Variants in USF2 observed in about 807,000 individuals in gnomAD.
The protein encoded by USF2 is upstream transcription factor 2, c-fos interacting.
USF2 carries 16 observed loss-of-function variants against 46.9 expected under a neutral mutation model. The observed-to-expected ratio is 0.34, with a 90% CI of 0.23 to 0.52. The LOEUF (loss-of-function observed/expected upper bound fraction) is 0.52, where lower values mean the gene tolerates loss of function less well. Ranked by LOEUF, USF2 falls within the 20% of genes least tolerant of loss-of-function variation. USF2 has a pLI of 0.96. For missense variants in USF2, 411 were observed against 474.0 expected (o/e 0.87, Z 1.23); for synonymous variants, 239 against 194.1 (o/e 1.23, Z -1.92).
At chr19:35,270,362 G>T in intron 4 of USF2, 85 bp from the exon 5 acceptor site, 1 of 1,537,844 alleles carries the variant, frequency 6.5e-7, no homozygotes, top group Non-Finnish European at 8.8e-7. Context: ...TGCAGAGAAT[G>T]CAGTAAACCC....
intron 7 of USF2, among the ~76,000 whole-genome samples, chr19:35,271,774 T>C (rs1202829498): frequency 6.6e-6 from 1 of 152,198 alleles, no homozygotes; most frequent in African/African-American, 2.4e-5. Context: ...TCAACAAATA[T>C]TTACTGCCCG....
rs1218862859 is a variant in USF2 at position 35,279,158 on chromosome 19, G to T, written c.952-9G>T. On this transcript the variant is annotated splice_polypyrimidine_tract_variant and intron_variant, in intron 9 of 9. Coordinates refer to ENST00000222305, the MANE Select transcript of USF2 (RefSeq NM_003367.4). Reference sequence around the variant, plus strand: ...CCTCAGCTCCCTTGACCTCCGTCGTGTCCGCCAGATCGAGGAGCTGAAGAA... The same window carrying T: ...CCTCAGCTCCCTTGACCTCCGTCGTTTCCGCCAGATCGAGGAGCTGAAGAA... The T allele has an allele frequency of 6.2e-7, 1 of 1,610,864 alleles. No individual in the cohort carries two copies. Among genetic ancestry groups the T allele is most frequent in the Non-Finnish European group, 8.5e-7 (1 of 1,178,740 alleles).
intron 7 of USF2, among the ~76,000 whole-genome samples, chr19:35,274,688 C>T (rs1468777807): frequency 6.6e-6 from 1 of 152,208 alleles, no homozygotes; most frequent in Non-Finnish European, 1.5e-5. Context: ...CTGTAACAGT[C>T]CCAGCTACTT....
chr19:35,269,761 C>T (rs1410652780), intron 3 of USF2, 42 bp from the exon 4 acceptor site: 1 of 1,491,636 alleles, frequency 6.7e-7, no homozygotes, highest in Non-Finnish European at 8.9e-7. Flanking sequence ...AGGCTCGGAC[C>T]TGGCCCCAGC....
chr19:35,273,670 A>C (rs575685625), intron 7 of USF2, among the ~76,000 whole-genome samples: 1 of 152,078 alleles, frequency 6.6e-6, no homozygotes. Context: ...CGATCCTCAC[A>C]CCTCAGGCTT....
intron 6 of USF2, 30 bp downstream of exon 6, chr19:35,270,835 G>A (rs773767722): frequency 6.2e-7 from 1 of 1,613,266 alleles, no homozygotes; most frequent in Non-Finnish European, 8.5e-7. Flanking sequence ...GGAGGGCCTG[G>A]TGTTGAAATG....
chr19:35,272,585 A>G (rs768756441), intron 7 of USF2, among the ~76,000 whole-genome samples: 2 of 152,048 alleles, frequency 1.3e-5, no homozygotes, highest in Non-Finnish European at 2.9e-5. Flanking sequence ...AGGACCTTGG[A>G]AGAAGTCCCC....
chr19:35,279,105 C>G, intron 9 of USF2, 31 bp downstream of exon 9: 1 of 1,613,046 alleles, frequency 6.2e-7, no homozygotes. Context: ...GGGTCAGGGC[C>G]CAGGAGCCCC....
Position 35,278,795 on chromosome 19 carries a change from G to T in USF2, c.822+3G>T. 6.2e-7 allele frequency: 1 copy of T among 1,613,954 alleles called. No individual in the cohort carries two copies. Among genetic ancestry groups the T allele is most frequent in the South Asian group, 1.1e-5 (1 of 91,070 alleles). On this transcript the variant is annotated splice_donor_region_variant and intron_variant, in intron 8 of 9. Coordinates refer to ENST00000222305, the MANE Select transcript of USF2 (RefSeq NM_003367.4). Reference sequence around the variant, plus strand: ...CAGACAACAGCAAGACGGGAGCGGTGAGCACCCCGGACCCTCAGTGTCTGC... The same window carrying T: ...CAGACAACAGCAAGACGGGAGCGGTTAGCACCCCGGACCCTCAGTGTCTGC...
At chr19:35,276,106 C>T (rs571327462) in intron 7 of USF2, among the ~76,000 whole-genome samples, 10 of 136,316 alleles carry the variant, frequency 7.3e-5, no homozygotes, top group South Asian at 6.9e-4. Context: ...GAGTCTCGCT[C>T]TGTCACCCAA....
Position 35,279,429 on chromosome 19 carries a change from G to A in USF2, c.*173G>A, listed in dbSNP as rs925603415. On this transcript the variant is annotated 3_prime_UTR_variant, in exon 10 of 10. Transcript: ENST00000222305. The stretch of plus-strand genomic sequence containing the variant: ...CATTTCTGTGGATACAGTGCCCACC[G>A]CCCTCCTCCACTTGGAAACGGTATC... 35 of 683,100 alleles carry A rather than the reference G, an allele frequency of 5.1e-5. No homozygotes were observed. The highest frequency in any genetic ancestry group is 2.3e-4 in the African/African-American group (12 of 52,814). 42.3% of individuals were successfully genotyped at this position (683,100 alleles called of 1,614,324 possible). A position where few individuals can be genotyped will look rare whatever the true frequency, so the allele number is the denominator to read the frequency against.
rs927779764 is a variant in USF2 at position 35,269,956 on chromosome 19, C to T, written c.382C>T (p.Pro128Ser). 1.5e-6 allele frequency: 2 copies of T among 1,341,154 alleles called. No homozygotes were observed. The highest frequency in any genetic ancestry group is 3.1e-5 in the African/African-American group (2 of 64,878). 83.1% of individuals were successfully genotyped at this position (1,341,154 alleles called of 1,614,324 possible). The part of the protein sequence containing the change: ...GVDGAAQRPG[P>S]AAASVPPGPA... ...GGACGGGGCAGCCCAGCGCCCGGGCCCCGCCGCTGCCTCTGTGCCCCCAGG... is the reference window on the plus strand; with the variant it reads ...GGACGGGGCAGCCCAGCGCCCGGGCTCCGCCGCTGCCTCTGTGCCCCCAGG... Residue 128 changes from proline (P) to serine (S), a missense_variant, in exon 4 of 10, where the codon CCC (proline) becomes TCC (serine). Physicochemically the swap from Pro to Ser is moderately conservative, Grantham distance 74. Transcript: ENST00000222305.
chr19:35,271,009 C>T lies in USF2; in HGVS notation c.669-74C>T, dbSNP rs762670011. 8 of 1,579,898 alleles carry T rather than the reference C, an allele frequency of 5.1e-6. No individual in the cohort carries two copies. In the Admixed American group the frequency reaches 5.1e-5, roughly 10 times the overall value. ...TACCTTGCAAAGATAATTTTCAAATCTAATACTTAGCAGATGCTTGGGCAA... is the reference window on the plus strand; with the variant it reads ...TACCTTGCAAAGATAATTTTCAAATTTAATACTTAGCAGATGCTTGGGCAA... On this transcript the variant is annotated intron_variant, in intron 6 of 9. Transcript: ENST00000222305.
chr19:35,270,933 G>A, intron 6 of USF2, 128 bp downstream of exon 6: 1 of 1,425,846 alleles, frequency 7.0e-7, no homozygotes, highest in Non-Finnish European at 9.8e-7. Context: ...GCCTGTTTCT[G>A]CTGCTCTAGT....
chr19:35,272,457 T>A (rs1426788711), intron 7 of USF2, among the ~76,000 whole-genome samples: 1 of 151,904 alleles, frequency 6.6e-6, no homozygotes, highest in African/African-American at 2.4e-5. Flanking sequence ...AGGGAAGAGC[T>A]AGAACACAGG....
chr19:35,276,706 C>A (rs2066238960), intron 7 of USF2, among the ~76,000 whole-genome samples: 1 of 152,198 alleles, frequency 6.6e-6, no homozygotes, highest in Non-Finnish European at 1.5e-5. Flanking sequence ...AGAAACCAGC[C>A]CGAATGTTTC....
intron 4 of USF2, 47 bp downstream of exon 4, chr19:35,270,050 G>A: frequency 1.5e-6 from 2 of 1,351,208 alleles, no homozygotes; most frequent in Non-Finnish European, 1.9e-6. Context: ...GAGTGGAGAG[G>A]GGACACTGGC....
In USF2 at chr19:35,270,612, T is replaced by C; in HGVS notation, c.580+15T>C. The C allele has an allele frequency of 2.5e-6, 4 of 1,611,982 alleles. No homozygotes were observed. Among genetic ancestry groups the C allele is most frequent in the Non-Finnish European group, 3.4e-6 (4 of 1,178,544 alleles). On this transcript the variant is annotated intron_variant, in intron 5 of 9. Transcript: ENST00000222305. Reference sequence around the variant, plus strand: ...GCAGGCTGGAGGTGAGGAGTAGAAGTCAGATTGGCAGGTGGGGGAGGCAAC... The same window carrying C: ...GCAGGCTGGAGGTGAGGAGTAGAAGCCAGATTGGCAGGTGGGGGAGGCAAC...
At position 35,279,036 on chromosome 19, in the gene USF2, G is replaced by C; in HGVS notation, c.913G>C (p.Glu305Gln). Reference protein sequence around the residue: ...QRMQETFKEAERLQMDNELLR... With the variant: ...QRMQETFKEAQRLQMDNELLR... The stretch of plus-strand genomic sequence containing the variant: ...CATGCAGGAGACCTTCAAAGAGGCC[G>C]AGCGGCTGCAGATGGACAACGAGCT... The change falls in exon 9 of 10, where the codon GAG becomes CAG. Residue 305 changes from glutamate to glutamine, a missense_variant. Glu to Gln is a conservative substitution (Grantham distance 29). Around this residue, in one of 2 missense-constraint regions of USF2, gnomAD observed 93 missense variants for 151.6 expected, o/e 0.61. Transcript: ENST00000222305. 6.3e-7 allele frequency: 1 copy of C among 1,595,412 alleles called. No homozygotes were observed. Among genetic ancestry groups the C allele is most frequent in the Non-Finnish European group, 8.5e-7 (1 of 1,170,466 alleles).
Sources: gnomAD v4.1 joint callset for allele counts (sites outside exome capture counted in the v4.1 genomes callset) on GRCh38, gnomAD v4.1.1 for gene constraint, gnomAD v4.1.1 regional missense constraint, MANE v1.5 for transcripts, NCBI Gene and HGNC (gene_info 2026-07-23, HGNC 2026-07-21) for gene names.